The following GTF3C4 variants were observed in gnomAD, a reference collection of about 807,000 sequenced individuals.
GTF3C4 encodes general transcription factor 3C polypeptide 4.
In GTF3C4, 28 loss-of-function variants were observed where a neutral mutation model predicts 67.5. That is an observed-to-expected ratio of 0.41 (90% confidence interval 0.31 to 0.57). The LOEUF is 0.57. GTF3C4 is among the 20% of genes least tolerant of loss of function. GTF3C4 has a pLI of 0.21. For synonymous variants in GTF3C4, 409 were observed against 393.0 expected (o/e 1.04, Z -0.48); for missense variants, 831 against 1,033.2 (o/e 0.80, Z 2.68).
At position 132,678,887 on chromosome 9, in the gene GTF3C4, C is replaced by T; in HGVS notation, c.1268C>T (p.Ser423Leu). The change falls in exon 2 of 5, where the codon TCA becomes TTA. Residue 423 changes from serine (S) to leucine (L), a missense_variant. By Grantham distance (145) the Ser-to-Leu change is moderately radical. Transcript: ENST00000372146. The surrounding 1 kb of genome is among the most constrained non-coding windows in gnomAD (Gnocchi z 6.5). Reference sequence around the variant, plus strand: ...AATTCCCATGTCACAGGCCTTCACTCACTGCCAATTGTCTCCATGACTGCA... The same window carrying T: ...AATTCCCATGTCACAGGCCTTCACTTACTGCCAATTGTCTCCATGACTGCA... ...VHNSHVTGLH[S>L]LPIVSMTADK... 1 of 1,614,176 alleles carries T rather than the reference C, an allele frequency of 6.2e-7. No individual in the cohort carries two copies. The highest frequency in any genetic ancestry group is 8.5e-7 in the Non-Finnish European group (1 of 1,180,000).
intron 3 of GTF3C4, among the ~76,000 whole-genome samples, chr9:132,686,425 CTAACCTCTGCCTGCTTGG>C (rs1836028827): frequency 2.6e-5 from 2 of 77,526 alleles, no homozygotes; most frequent in Non-Finnish European, 6.8e-5. Flanking sequence ...GTCCCTTCCC[CTAACCTCTGCCTGCTTGG>C]AGTCCCTTCC....
chr9:132,687,775 A>G (rs556444075), intron 4 of GTF3C4, among the ~76,000 whole-genome samples: 7 of 152,296 alleles, frequency 4.6e-5, no homozygotes, highest in East Asian at 1.9e-4. Flanking sequence ...TGGTTGGTCT[A>G]TGTGCTCTTT....
At position 132,679,824 on chromosome 9, in the gene GTF3C4, ACT is replaced by A; in HGVS notation, c.2184+24_2184+25del. The A allele has an allele frequency of 6.5e-7, 1 of 1,539,698 alleles. No homozygotes were observed. Among genetic ancestry groups the A allele is most frequent in the Middle Eastern group, 1.7e-4 (1 of 5,740 alleles). On this transcript the variant is annotated intron_variant, in intron 2 of 4. Coordinates refer to ENST00000372146, the MANE Select transcript of GTF3C4 (RefSeq NM_012204.4). The surrounding 1 kb of genome is among the most constrained non-coding windows in gnomAD (Gnocchi z 5.9). ...CACGGGTAGGTGTTTATTAACAAAA[ACT>A]CTGAAATTGTAAAGCCTGCTTTCTT...
Position 132,679,719 on chromosome 9 carries a change from G to C in GTF3C4, c.2100G>C (p.Trp700Cys). The change falls in exon 2 of 5, where the codon TGG becomes TGC. Residue 700 changes from tryptophan (W) to cysteine (C), a missense_variant. Physicochemically the swap from Trp to Cys is radical, Grantham distance 215 (BLOSUM62 -2). Around this residue, in one of 4 missense-constraint regions of GTF3C4, gnomAD observed 129 missense variants for 213.8 expected, o/e 0.60. Coordinates refer to ENST00000372146, the MANE Select transcript of GTF3C4 (RefSeq NM_012204.4). This position sits in a 1 kb window ranked among gnomAD's most constrained non-coding sequence, Gnocchi z 5.9. The stretch of plus-strand genomic sequence containing the variant: ...TAGGAGAAGTGTATCTGCACACCTG[G>C]ATCACAGAAAACACTAGCATCCCCA... ...RVLGEVYLHT[W>C]ITENTSIPTR... 15 of 1,614,050 alleles carry C rather than the reference G, an allele frequency of 9.3e-6. No individual in the cohort carries two copies. The highest frequency in any genetic ancestry group is 1.3e-5 in the Non-Finnish European group (15 of 1,179,974).
intron 1 of GTF3C4, among the ~76,000 whole-genome samples, chr9:132,675,992 G>A (rs1446382364): frequency 7.5e-6 from 1 of 133,696 alleles, no homozygotes; most frequent in Non-Finnish European, 1.5e-5. Context: ...TCCACCTCCC[G>A]GGTTCATGCC....
intron 2 of GTF3C4, among the ~76,000 whole-genome samples, chr9:132,680,099 G>C (rs1835918711): frequency 6.6e-6 from 1 of 152,214 alleles, no homozygotes; most frequent in Non-Finnish European, 1.5e-5. Flanking sequence ...TGAGTAGTAT[G>C]TGATGGGCAA....
At chr9:132,682,405 T>C (rs919484164) in intron 2 of GTF3C4, among the ~76,000 whole-genome samples, 14 of 152,024 alleles carry the variant, frequency 9.2e-5, no homozygotes, top group Admixed American at 2.6e-4. Flanking sequence ...CAAAATCTTG[T>C]GGATTCATCC....
intron 4 of GTF3C4, 78 bp from the exon 5 acceptor site, chr9:132,688,802 AC>A (rs1487203787): frequency 5.8e-6 from 6 of 1,043,104 alleles, no homozygotes; most frequent in Non-Finnish European, 9.1e-6. Context: ...CCGTCTCTCA[AC>A]GCTACAGTCC....
chr9:132,691,987 G>A lies in GTF3C4; in HGVS notation c.*3042G>A, dbSNP rs1836121841. On this transcript the variant is annotated 3_prime_UTR_variant, in exon 5 of 5. Coordinates refer to ENST00000372146, the MANE Select transcript of GTF3C4 (RefSeq NM_012204.4). The stretch of plus-strand genomic sequence containing the variant: ...ATGCAAAAGAAGTTGATGCTTATTG[G>A]TGCTTAAGAGAATTACAATACTGGT... 6.6e-6 allele frequency: 1 copy of A among 152,108 alleles called. No individual in the cohort carries two copies. The highest frequency in any genetic ancestry group is 1.5e-5 in the Non-Finnish European group (1 of 68,018). 9.4% of individuals were successfully genotyped at this position (152,108 alleles called of 1,614,324 possible). A position where few individuals can be genotyped will look rare whatever the true frequency, so the allele number is the denominator to read the frequency against.
chr9:132,683,061 A>C (rs1835972552), intron 2 of GTF3C4, among the ~76,000 whole-genome samples: 1 of 152,182 alleles, frequency 6.6e-6, no homozygotes. Context: ...AGGCTACTGG[A>C]CCATGTTGGC....
chr9:132,678,777 T>C lies in GTF3C4; in HGVS notation c.1158T>C (p.Cys386=). ...CVPLYHPYQK[C]SCSLVVAARG... ...CACTTTATCATCCTTACCAGAAGTG[T>C]AGTTGCAGCTTAGTAGTGGCTGCAA... Residue 386 remains cysteine, a synonymous_variant, in exon 2 of 5, where the codon TGT becomes TGC. Transcript: ENST00000372146. This position sits in a 1 kb window ranked among gnomAD's most constrained non-coding sequence, Gnocchi z 6.5. 2.5e-6 allele frequency: 4 copies of C among 1,613,934 alleles called. No individual in the cohort carries two copies. The highest frequency in any genetic ancestry group is 2.2e-5 in the East Asian group (1 of 44,878).
In GTF3C4 at chr9:132,679,299, T is replaced by C. The variant is rs959251267; in HGVS notation, c.1680T>C (p.Ala560=). 1.9e-5 allele frequency: 31 copies of C among 1,613,722 alleles called. No homozygotes were observed. The highest frequency in any genetic ancestry group is 2.6e-5 in the Non-Finnish European group (31 of 1,179,940). The part of the protein sequence containing the change: ...DKHIPQFLQE[A]LEKKIESSGV... ...ATATCCCTCAATTTTTACAAGAAGC[T>C]TTGGAAAAAAAGATTGAAAGCAGTG... The change falls in exon 2 of 5, where the codon GCT becomes GCC. Residue 560 remains alanine, a synonymous_variant. Transcript: ENST00000372146. The surrounding 1 kb of genome is among the most constrained non-coding windows in gnomAD (Gnocchi z 5.9).
rs1463440219 is a variant in GTF3C4, at chr9:132,694,761, G to A, written c.*5816G>A. The A allele has an allele frequency of 6.6e-6, 1 of 152,062 alleles. No homozygotes were observed. The highest frequency in any genetic ancestry group is 1.5e-5 in the Non-Finnish European group (1 of 68,004). The allele number at this position is 152,062 out of a possible 1,614,324, so 9.4% of individuals were successfully genotyped here. A position where few individuals can be genotyped will look rare whatever the true frequency, so the allele number is the denominator to read the frequency against. On this transcript the variant is annotated 3_prime_UTR_variant, in exon 5 of 5. Transcript: ENST00000372146. ...TTGGTTTTAGCTCTTTCTCATTTGG[G>A]ATTCCCCTCAATTGCTTACATGATT...
intron 3 of GTF3C4, among the ~76,000 whole-genome samples, chr9:132,684,591 C>T (rs1453648070): frequency 6.6e-6 from 1 of 152,228 alleles, no homozygotes; most frequent in Non-Finnish European, 1.5e-5. Flanking sequence ...CTTTGTCCTC[C>T]CGCTGACCTC....
At chr9:132,675,504 A>G (rs1835851364) in intron 1 of GTF3C4, among the ~76,000 whole-genome samples, 1 of 152,188 alleles carries the variant, frequency 6.6e-6, no homozygotes, top group Non-Finnish European at 1.5e-5. Flanking sequence ...TTCCCAAAGT[A>G]TTCCACATAC....
chr9:132,671,223 G>T (rs1014845844), intron 1 of GTF3C4, among the ~76,000 whole-genome samples: 13 of 152,168 alleles, frequency 8.5e-5, no homozygotes, highest in African/African-American at 3.1e-4. Flanking sequence ...TGAGTCCCAG[G>T]AACCCCTCCT....
At chr9:132,671,067 C>T in intron 1 of GTF3C4, 112 bp downstream of exon 1, 3 of 742,100 alleles carry the variant, frequency 4.0e-6, no homozygotes, top group South Asian at 3.2e-5. Context: ...TCCCTCTTCG[C>T]ACCGAGCGCT....
chr9:132,682,725 C>T (rs1266731377), intron 2 of GTF3C4, among the ~76,000 whole-genome samples: 1 of 151,466 alleles, frequency 6.6e-6, no homozygotes, highest in Non-Finnish European at 1.5e-5. Context: ...CTGCCTCAGC[C>T]TCCTGAGTAG....
chr9:132,670,927 C>A lies in GTF3C4; in HGVS notation c.329C>A (p.Pro110His). Residue 110 changes from proline to histidine, a missense_variant, in exon 1 of 5, where the codon CCC (proline) becomes CAC (histidine). This residue lies in a region of GTF3C4 where 237 missense variants were observed against 212.7 expected (regional missense o/e 1.11). Coordinates refer to ENST00000372146, the MANE Select transcript of GTF3C4 (RefSeq NM_012204.4). Reference protein sequence around the residue: ...QDLVIHRTSVPAPLNSCLLKV... With the variant: ...QDLVIHRTSVHAPLNSCLLKV... ...CTGGTTATCCACCGCACCTCGGTGC[C>A]CGCACCGCTCAACAGCTGTCTCCTC... 1 of 1,611,238 alleles carries A rather than the reference C, an allele frequency of 6.2e-7. No individual in the cohort carries two copies. Among genetic ancestry groups the A allele is most frequent in the Non-Finnish European group, 8.5e-7 (1 of 1,178,738 alleles).
Sources: gnomAD v4.1 joint callset for allele counts (sites outside exome capture counted in the v4.1 genomes callset) on GRCh38, gnomAD v4.1.1 for gene constraint, gnomAD v4.1.1 regional missense constraint, Gnocchi (gnomAD v3.1) non-coding constraint, MANE v1.5 for transcripts, NCBI Gene and HGNC (gene_info 2026-07-23, HGNC 2026-07-21) for gene names.